Variants in NEGR1 observed in about 807,000 individuals in gnomAD.
The protein encoded by NEGR1 is IgLON family member 4.
Under a neutral mutation model 40.9 loss-of-function variants are expected in NEGR1, and 10 were observed. The observed-to-expected ratio is 0.24, with a 90% CI of 0.15 to 0.42. NEGR1 has a LOEUF of 0.42. NEGR1 is among the 10% of genes least tolerant of loss of function. The pLI, the probability that NEGR1 is intolerant of heterozygous loss-of-function variation, is 1.00. For missense variants in NEGR1, 352 were observed against 438.9 expected (o/e 0.80, Z 1.77); for synonymous variants, 185 against 166.8 (o/e 1.11, Z -0.84).
intron 1 of NEGR1, among the ~76,000 whole-genome samples, chr1:72,078,000 G>A (rs1025053783): frequency 6.6e-6 from 1 of 152,224 alleles, no homozygotes; most frequent in East Asian, 1.9e-4. Flanking sequence ...AATATGGAAC[G>A]ATGAATGACT....
At chr1:72,080,330 T>A (rs1647942233) in intron 1 of NEGR1, among the ~76,000 whole-genome samples, 1 of 152,108 alleles carries the variant, frequency 6.6e-6, no homozygotes, top group Non-Finnish European at 1.5e-5. Context: ...AGTTTCTTAC[T>A]GAGACAAAAG....
chr1:72,282,141 C>G (rs1009680521), intron 1 of NEGR1, among the ~76,000 whole-genome samples, 178 bp downstream of exon 1: 1 of 152,160 alleles, frequency 6.6e-6, no homozygotes, highest in African/African-American at 2.4e-5. Flanking sequence ...GCTACCTGCC[C>G]CAGCATAAAC....
At chr1:72,127,765 A>C (rs1650086624) in intron 1 of NEGR1, among the ~76,000 whole-genome samples, 1 of 152,106 alleles carries the variant, frequency 6.6e-6, no homozygotes, top group Non-Finnish European at 1.5e-5. Context: ...TCAGATATAA[A>C]TGGACTCACA....
intron 6 of NEGR1, among the ~76,000 whole-genome samples, chr1:71,559,521 T>A (rs1159350320): frequency 6.6e-6 from 1 of 151,658 alleles, no homozygotes; most frequent in Non-Finnish European, 1.5e-5. Context: ...GTTCTCTTTT[T>A]GTGATGCACA....
At chr1:71,580,881 A>G (rs1218309983) in intron 6 of NEGR1, among the ~76,000 whole-genome samples, 1 of 152,182 alleles carries the variant, frequency 6.6e-6, no homozygotes, top group Admixed American at 6.6e-5. Flanking sequence ...TAGCCATTCA[A>G]GTAGATAGTG....
chr1:72,142,975 A>G (rs80106349), intron 1 of NEGR1, among the ~76,000 whole-genome samples: 2,923 of 152,040 alleles, frequency 0.019, 45 homozygotes, highest in South Asian at 0.042. Context: ...CTTGAAACCA[A>G]AGGAGAAATT....
At position 72,115,838 on chromosome 1, in the gene NEGR1, C is replaced by T. The variant is rs180860308; in HGVS notation, c.176+166481G>A. Among the ~76,000 whole-genome samples, 139 of 151,730 alleles carry T rather than the reference C, an allele frequency of 9.2e-4. 1 individual carries two copies. Among genetic ancestry groups the T allele is most frequent in the Admixed American group, 6.6e-5 (1 of 15,174 alleles). On this transcript the variant is annotated intron_variant, in intron 1 of 6. Transcript: ENST00000357731. ...CTTTTATCTTACCTCTTCTGTGGTG[C>T]CATCCTTATGGTGGGGTGGGTGCCA...
chr1:71,936,211 T>C (rs937514172), intron 1 of NEGR1, among the ~76,000 whole-genome samples: 2 of 152,226 alleles, frequency 1.3e-5, no homozygotes, highest in African/African-American at 4.8e-5. Context: ...CTGATTGCTG[T>C]AGTCATTAGA....
chr1:71,864,410 C>A (rs1181646057), intron 2 of NEGR1, among the ~76,000 whole-genome samples: 1 of 152,138 alleles, frequency 6.6e-6, no homozygotes, highest in Non-Finnish European at 1.5e-5. Flanking sequence ...GTGTAATTTA[C>A]TGGCTTCACT....
At chr1:72,150,770 A>T (rs1298043122) in intron 1 of NEGR1, among the ~76,000 whole-genome samples, 3 of 152,158 alleles carry the variant, frequency 2.0e-5, no homozygotes, top group Non-Finnish European at 4.4e-5. Flanking sequence ...CTATAATATG[A>T]GATTCCAGCA....
chr1:71,818,370 GC>G (rs1301094145), intron 2 of NEGR1, among the ~76,000 whole-genome samples: 2 of 151,968 alleles, frequency 1.3e-5, no homozygotes, highest in Admixed American at 6.6e-5. Context: ...AAAAGAATGA[GC>G]TCATGTCTTT....
chr1:71,545,545 A>G (rs940556195), intron 6 of NEGR1, among the ~76,000 whole-genome samples: 1 of 149,062 alleles, frequency 6.7e-6, no homozygotes, highest in African/African-American at 2.5e-5. Context: ...GTGCTGTCTG[A>G]CTCTGTCTCT....
intron 1 of NEGR1, among the ~76,000 whole-genome samples, chr1:72,227,817 C>T (rs998876622): frequency 3.9e-5 from 6 of 152,006 alleles, no homozygotes; most frequent in East Asian, 1.9e-4. Flanking sequence ...TCACAGAATG[C>T]GGTTCTGGAA....
chr1:71,979,517 C>T (rs986160857), intron 1 of NEGR1, among the ~76,000 whole-genome samples: 5 of 152,050 alleles, frequency 3.3e-5, no homozygotes, highest in African/African-American at 7.2e-5. Context: ...CTTTCTAATG[C>T]GGGTTAAAGT....
At chr1:72,008,278 T>C (rs1392883915) in intron 1 of NEGR1, among the ~76,000 whole-genome samples, 1 of 152,136 alleles carries the variant, frequency 6.6e-6, no homozygotes, top group Non-Finnish European at 1.5e-5. Context: ...ATTTTCCTTC[T>C]AGCAGCTCTA....
chr1:71,993,574 T>C (rs1646474595), intron 1 of NEGR1, among the ~76,000 whole-genome samples: 1 of 152,166 alleles, frequency 6.6e-6, no homozygotes, highest in Non-Finnish European at 1.5e-5. Flanking sequence ...TATTATCTCT[T>C]CCTGTAAGAA....
intron 1 of NEGR1, among the ~76,000 whole-genome samples, chr1:72,086,102 A>C (rs1360842535): frequency 6.6e-6 from 1 of 152,148 alleles, no homozygotes; most frequent in Non-Finnish European, 1.5e-5. Flanking sequence ...ATTTATCATA[A>C]ATCACCTACA....
intron 3 of NEGR1, among the ~76,000 whole-genome samples, chr1:71,741,625 G>A (rs1276259951): frequency 6.6e-6 from 1 of 152,124 alleles, no homozygotes; most frequent in African/African-American, 2.4e-5. Flanking sequence ...TTATTTGGTG[G>A]TAAGGCCTTT....
intron 1 of NEGR1, among the ~76,000 whole-genome samples, chr1:71,937,922 A>G (rs1393698372): frequency 6.6e-6 from 1 of 152,228 alleles, no homozygotes; most frequent in East Asian, 1.9e-4. Flanking sequence ...TGCAGAGATT[A>G]ACCAGTAGTC....
Sources: gnomAD v4.1 joint callset for allele counts (sites outside exome capture counted in the v4.1 genomes callset) on GRCh38, gnomAD v4.1.1 for gene constraint, MANE v1.5 for transcripts, NCBI Gene and HGNC (gene_info 2026-07-23, HGNC 2026-07-21) for gene names.